Variants in ADARB2 observed in about 807,000 individuals in gnomAD.
ADARB2 encodes adenosine deaminase RNA specific B2 (inactive).
Under a neutral mutation model 62.2 loss-of-function variants are expected in ADARB2, and 25 were observed. The observed-to-expected ratio is 0.40, with a 90% confidence interval of 0.29 to 0.56. The LOEUF is 0.56. ADARB2 is among the 20% of genes least tolerant of loss of function. The probability of loss-of-function intolerance (pLI) is 0.43; values close to 1 mark genes in which losing one functional copy is unlikely to be tolerated. For synonymous variants in ADARB2, 572 were observed against 500.8 expected, an observed-to-expected ratio of 1.14 and a Z score of -1.90; for missense variants, 1,071 against 1,077.4, an observed-to-expected ratio of 0.99 and a Z score of 0.08.
intron 1 of ADARB2, among the ~76,000 whole-genome samples, chr10:1,665,776 C>T (rs75223733): frequency 0.028 from 4,190 of 152,308 alleles, 103 homozygotes; most frequent in East Asian, 0.07. Flanking sequence ...GATGACACTT[C>T]CCTGGGGGCC....
chr10:1,608,774 G>GAA (rs112275204), intron 1 of ADARB2, among the ~76,000 whole-genome samples: 4 of 139,532 alleles, frequency 2.9e-5, no homozygotes, highest in Middle Eastern at 3.4e-3. Context: ...GAAAGAGAAA[G>GAA]AGAAAGAAAG....
chr10:1,465,255 AG>A (rs1398026716), intron 1 of ADARB2, among the ~76,000 whole-genome samples: 3 of 152,124 alleles, frequency 2.0e-5, no homozygotes, highest in African/African-American at 7.2e-5. Context: ...AGGGTGCGAG[AG>A]GGTTCCAGGT....
intron 1 of ADARB2, among the ~76,000 whole-genome samples, chr10:1,717,937 GA>G (rs898831753): frequency 1.3e-5 from 2 of 152,118 alleles, no homozygotes; most frequent in Non-Finnish European, 1.5e-5. Flanking sequence ...GGTGGCATAT[GA>G]AAAACTTTTA....
intron 6 of ADARB2, 116 bp from the exon 7 acceptor site, chr10:1,217,235 G>A (rs1486173801): frequency 1.2e-5 from 13 of 1,071,390 alleles, no homozygotes; most frequent in South Asian, 6.8e-5. Context: ...ATGGCTGGGC[G>A]TTTGGCACGA....
At chr10:1,316,759 T>C (rs1012675521) in intron 3 of ADARB2, among the ~76,000 whole-genome samples, 1 of 152,218 alleles carries the variant, frequency 6.6e-6, no homozygotes, top group South Asian at 2.1e-4. Flanking sequence ...TTATTTTGCA[T>C]TAATGAAAAT....
intron 1 of ADARB2, among the ~76,000 whole-genome samples, chr10:1,594,100 G>A (rs964602181): frequency 1.3e-5 from 2 of 152,132 alleles, no homozygotes; most frequent in Admixed American, 1.3e-4. Flanking sequence ...GACCAGCCTG[G>A]CCAACATAGT....
At chr10:1,481,522 G>A (rs1461453230) in intron 1 of ADARB2, among the ~76,000 whole-genome samples, 2 of 152,192 alleles carry the variant, frequency 1.3e-5, no homozygotes, top group East Asian at 3.8e-4. Flanking sequence ...AACCCACAGA[G>A]TGGGAGAAAA....
At chr10:1,525,856 C>T (rs931543014) in intron 1 of ADARB2, among the ~76,000 whole-genome samples, 10 of 151,188 alleles carry the variant, frequency 6.6e-5, no homozygotes, top group Non-Finnish European at 1.2e-4. Context: ...TGTGTGTGTG[C>T]GCGTGTCTGC....
chr10:1,604,565 T>G (rs567820759), intron 1 of ADARB2, among the ~76,000 whole-genome samples: 2 of 152,306 alleles, frequency 1.3e-5, no homozygotes, highest in African/African-American at 2.4e-5. Flanking sequence ...CACACCACAA[T>G]CAGAAATACT....
chr10:1,484,988 C>T (rs370650810), intron 1 of ADARB2, among the ~76,000 whole-genome samples: 3 of 151,634 alleles, frequency 2.0e-5, no homozygotes, highest in African/African-American at 4.8e-5. Flanking sequence ...GTGTCTATGT[C>T]GGCATTCAGG....
At chr10:1,652,347 C>G (rs565517747) in intron 1 of ADARB2, among the ~76,000 whole-genome samples, 73 of 152,312 alleles carry the variant, frequency 4.8e-4, no homozygotes, top group African/African-American at 1.6e-3. Context: ...GCCAAGGCCC[C>G]TACTGGGTTT....
chr10:1,294,519 A>G (rs78856228), intron 3 of ADARB2, among the ~76,000 whole-genome samples: 8,532 of 152,196 alleles, frequency 0.056, 839 homozygotes, highest in African/African-American at 0.19. Context: ...CGAAGAAGGC[A>G]GCAGCCCCTC....
intron 1 of ADARB2, among the ~76,000 whole-genome samples, chr10:1,730,325 T>G (rs1430649836): frequency 2.0e-5 from 3 of 152,176 alleles, no homozygotes; most frequent in Admixed American, 2.0e-4. Context: ...ACTGCCCCCT[T>G]TCACCTTTGC....
At chr10:1,612,815 C>G (rs1833588372) in intron 1 of ADARB2, among the ~76,000 whole-genome samples, 1 of 152,190 alleles carries the variant, frequency 6.6e-6, no homozygotes. Context: ...TACATAATAT[C>G]CTCGTTTTGC....
At chr10:1,350,386 C>T (rs1439424588) in intron 3 of ADARB2, among the ~76,000 whole-genome samples, 1 of 152,174 alleles carries the variant, frequency 6.6e-6, no homozygotes, top group South Asian at 2.1e-4. Context: ...CGCTCCTCCC[C>T]AGGCTGCTCC....
intron 7 of ADARB2, among the ~76,000 whole-genome samples, chr10:1,200,970 T>G (rs561822833): frequency 1.3e-5 from 2 of 152,366 alleles, no homozygotes; most frequent in African/African-American, 4.8e-5. Context: ...TCTCTTTTCA[T>G]GATTAATAAG....
At chr10:1,239,034 TACTCCCCTCTGCCTCCCGGTGTTC>T (rs1830885856) in intron 5 of ADARB2, among the ~76,000 whole-genome samples, 1 of 270 alleles carries the variant, frequency 3.7e-3, no homozygotes, top group Non-Finnish European at 6.3e-3. Context: ...TCCCGGTGTT[TACTCCCCTCTGCCTCCCGGTGTTC>T]ACTCCCCTCT....
At chr10:1,484,962 G>A (rs536482538) in intron 1 of ADARB2, among the ~76,000 whole-genome samples, 2 of 152,214 alleles carry the variant, frequency 1.3e-5, no homozygotes, top group Non-Finnish European at 2.9e-5. Context: ...ACAGATGTAG[G>A]TATGCATGTA....
At position 1,318,246 on chromosome 10, in the gene ADARB2, T is replaced by C. The variant is rs371860521; in HGVS notation, c.1077+44782A>G. ...GAAGCGTGTAGTCACAGGTGACGGA[T>C]CCTGTAACAGGAACGTGGTAAAGCC... On this transcript the variant is annotated intron_variant, in intron 3 of 9. Coordinates refer to ENST00000381312, the MANE Select transcript of ADARB2 (RefSeq NM_018702.4). Among the ~76,000 whole-genome samples the C allele has an allele frequency of 9.2e-5, 14 of 152,166 alleles. No homozygotes were observed. The South Asian group carries it at 2.7e-3, about 30-fold the overall frequency.
Sources: allele counts gnomAD v4.1 joint callset (sites outside exome capture counted in the v4.1 genomes callset), GRCh38; gene constraint gnomAD v4.1.1; transcripts MANE v1.5; gene names NCBI Gene and HGNC (gene_info 2026-07-23, HGNC 2026-07-21).